Variants in OPCML observed in about 807,000 individuals in gnomAD.
The protein encoded by OPCML is opioid-binding protein/cell adhesion molecule.
A neutral mutation model predicts 37.8 loss-of-function variants in OPCML; 13 were observed. The observed-to-expected ratio is 0.34, with a 90% CI of 0.22 to 0.55. The LOEUF is 0.55. Ranked by LOEUF, OPCML falls within the 20% of genes least tolerant of loss-of-function variation. OPCML has a pLI of 0.91. For synonymous variants in OPCML, 176 were observed against 168.8 expected (o/e 1.04, Z -0.33); for missense variants, 341 against 435.6 (o/e 0.78, Z 1.93).
At chr11:133,493,925 A>G (rs561715056) in intron 1 of OPCML, among the ~76,000 whole-genome samples, 1 of 152,100 alleles carries the variant, frequency 6.6e-6, no homozygotes, top group East Asian at 1.9e-4. Context: ...TGAACAGGCA[A>G]CCCACAAAAT....
intron 2 of OPCML, among the ~76,000 whole-genome samples, chr11:132,714,402 C>T (rs192597867): frequency 4.5e-4 from 69 of 152,262 alleles, no homozygotes; most frequent in Admixed American, 9.8e-4. Flanking sequence ...ATAATATGTG[C>T]GGCACAGAGT....
intron 1 of OPCML, among the ~76,000 whole-genome samples, chr11:132,981,510 G>A (rs530630395): frequency 6.6e-6 from 1 of 152,226 alleles, no homozygotes; most frequent in South Asian, 2.1e-4. Context: ...AGGGAGGAAT[G>A]TGAATTTGAT....
chr11:133,419,208 A>C, intron 1 of OPCML: 5 of 982,956 alleles, frequency 5.1e-6, no homozygotes, highest in Non-Finnish European at 4.8e-6. Context: ...GCAACGGGCC[A>C]GGAGACCCTG....
intron 2 of OPCML, among the ~76,000 whole-genome samples, chr11:132,752,924 T>C (rs1376345314): frequency 6.6e-6 from 1 of 152,220 alleles, no homozygotes. Flanking sequence ...TCCACTATTG[T>C]AATCATAGCC....
At chr11:132,907,275 G>A (rs1011328645) in intron 2 of OPCML, among the ~76,000 whole-genome samples, 1 of 152,124 alleles carries the variant, frequency 6.6e-6, no homozygotes, top group Non-Finnish European at 1.5e-5. Context: ...TTCCATGGGG[G>A]TTCATGCCTG....
intron 2 of OPCML, among the ~76,000 whole-genome samples, chr11:132,762,238 G>A (rs530355707): frequency 2.6e-5 from 4 of 152,334 alleles, no homozygotes; most frequent in African/African-American, 4.8e-5. Context: ...CCTGTATGAG[G>A]TGTCTTTCAA....
intron 1 of OPCML, among the ~76,000 whole-genome samples, chr11:133,383,201 G>A (rs1181463007): frequency 6.6e-6 from 1 of 152,026 alleles, no homozygotes; most frequent in African/African-American, 2.4e-5. Context: ...CTCCTCTCCA[G>A]GCCATTGTCC....
intron 2 of OPCML, among the ~76,000 whole-genome samples, chr11:132,783,658 A>G (rs1266050001): frequency 6.6e-6 from 1 of 152,178 alleles, no homozygotes; most frequent in East Asian, 1.9e-4. Flanking sequence ...TAAAGATATA[A>G]TACTCCCAAA....
At position 132,594,169 on chromosome 11, in the gene OPCML, G is replaced by C. The variant is rs543687120; in HGVS notation, c.379+62918C>G. 4.6e-5 allele frequency among the ~76,000 whole-genome samples: 7 copies of C among 152,258 alleles called. No homozygotes were observed. The East Asian group carries it at 1.2e-3, about 25-fold the overall frequency. On this transcript the variant is annotated intron_variant, in intron 3 of 7. Coordinates refer to ENST00000524381, the MANE Select transcript of OPCML (RefSeq NM_001012393.5). ...GCTGTGAGTAAATGCAAACCTACCT[G>C]AGCTGAAGATTCTTTACCCTTGAGA... is the stretch of plus-strand genomic sequence containing the variant.
intron 1 of OPCML, among the ~76,000 whole-genome samples, chr11:133,368,085 T>C (rs1472733686): frequency 6.6e-6 from 1 of 152,188 alleles, no homozygotes; most frequent in African/African-American, 2.4e-5. Flanking sequence ...CTGGTTATTA[T>C]AATTTCTGTG....
chr11:132,483,516 C>T (rs1246795986), intron 4 of OPCML, among the ~76,000 whole-genome samples: 5 of 152,156 alleles, frequency 3.3e-5, no homozygotes, highest in East Asian at 1.9e-4. Context: ...GATTCAATGC[C>T]GTCCCCATCA....
chr11:132,673,875 T>C (rs1784507), intron 2 of OPCML, among the ~76,000 whole-genome samples: 122,465 of 152,134 alleles, frequency 0.8, 49,960 homozygotes, highest in African/African-American at 0.94. Context: ...TCTGCCACTC[T>C]GTGAAGCTCC....
At chr11:132,719,355 C>T (rs77323841) in intron 2 of OPCML, among the ~76,000 whole-genome samples, 6 of 152,186 alleles carry the variant, frequency 3.9e-5, no homozygotes, top group Admixed American at 3.9e-4. Flanking sequence ...GTAACACTCT[C>T]CTCTTCTGAG....
chr11:133,158,748 AAAATAAAATG>A (rs750256185), intron 1 of OPCML, among the ~76,000 whole-genome samples: 7 of 150,184 alleles, frequency 4.7e-5, no homozygotes, highest in African/African-American at 1.7e-4. Flanking sequence ...AAAATAAAAT[AAAATAAAATG>A]AAAATTAAAA....
chr11:132,580,063 G>A (rs912830271), intron 3 of OPCML, among the ~76,000 whole-genome samples: 1 of 152,098 alleles, frequency 6.6e-6, no homozygotes, highest in Admixed American at 6.6e-5. Context: ...AGCAACCTTG[G>A]CATCTTTGCA....
chr11:133,443,881 G>A (rs953487374), intron 1 of OPCML, among the ~76,000 whole-genome samples: 1 of 152,052 alleles, frequency 6.6e-6, no homozygotes, highest in Non-Finnish European at 1.5e-5. Context: ...GGCAAAGGTG[G>A]GAGAGTCACT....
chr11:133,010,032 A>G (rs1483586246), intron 1 of OPCML, among the ~76,000 whole-genome samples: 1 of 152,192 alleles, frequency 6.6e-6, no homozygotes, highest in Non-Finnish European at 1.5e-5. Flanking sequence ...TTTCATATCC[A>G]GCAATACAAC....
chr11:133,124,705 C>A (rs962487435), intron 1 of OPCML, among the ~76,000 whole-genome samples: 3 of 152,128 alleles, frequency 2.0e-5, no homozygotes, highest in African/African-American at 7.2e-5. Context: ...CTGAAAGGCT[C>A]ATGCACCCTT....
At chr11:133,253,781 G>T (rs1029819349) in intron 1 of OPCML, among the ~76,000 whole-genome samples, 2 of 147,494 alleles carry the variant, frequency 1.4e-5, no homozygotes, top group Non-Finnish European at 3.0e-5. Context: ...ATTGTTAAAG[G>T]TTAGCATAAA....
Sources: allele counts gnomAD v4.1 joint callset (sites outside exome capture counted in the v4.1 genomes callset), GRCh38; gene constraint gnomAD v4.1.1; transcripts MANE v1.5; gene names NCBI Gene and HGNC (gene_info 2026-07-23, HGNC 2026-07-21).